The following FAN1 variants were observed in gnomAD, a reference collection of about 807,000 sequenced individuals.
The protein encoded by FAN1 is FANCD2 and FANCI associated nuclease 1.
In FAN1, 91 loss-of-function variants were observed where a neutral mutation model predicts 104.9. The observed-to-expected ratio is 0.87, with a 90% CI of 0.73 to 1.03. The LOEUF (loss-of-function observed/expected upper bound fraction) is 1.03. Among genes scored for constraint, FAN1 ranks in the 50% least tolerant of loss-of-function variants. The probability of loss-of-function intolerance (pLI) is 0.00; values close to 1 mark genes in which losing one functional copy is unlikely to be tolerated. For synonymous variants in FAN1, 478 were observed against 457.6 expected (o/e 1.04, Z -0.57); for missense variants, 1,263 against 1,239.9 (o/e 1.02, Z -0.28).
At chr15:30,933,342 A>G (rs538019890) in intron 13 of FAN1, among the ~76,000 whole-genome samples, 1 of 152,304 alleles carries the variant, frequency 6.6e-6, no homozygotes, top group African/African-American at 2.4e-5. Flanking sequence ...TTCAGTTCAC[A>G]ATACTTTCTG....
Position 30,910,745 on chromosome 15 carries a change from T to C in FAN1, c.1507T>C (p.Leu503=). The change falls in exon 4 of 15, where the codon TTG becomes CTG. Residue 503 remains leucine (L), a synonymous_variant. Transcript: ENST00000362065. ...KQQLVDAFLK[L]AKQRSVCTWG... ...GCAGCTGGTGGACGCCTTTCTCAAA[T>C]TGGCCAAACAGCGTTCAGTCTGCAC... 6.2e-7 allele frequency: 1 copy of C among 1,614,128 alleles called. No homozygotes were observed.
intron 8 of FAN1, among the ~76,000 whole-genome samples, chr15:30,924,249 G>T (rs1355273122): frequency 6.6e-6 from 1 of 152,170 alleles, no homozygotes; most frequent in East Asian, 1.9e-4. Flanking sequence ...CCACTCATTG[G>T]TTGATGGACA....
Position 30,942,028 on chromosome 15 carries a change from C to A in FAN1, c.*466C>A. 1 of 1,613,972 alleles carries A rather than the reference C, an allele frequency of 6.2e-7. No homozygotes were observed. The highest frequency in any genetic ancestry group is 8.5e-7 in the Non-Finnish European group (1 of 1,179,864). ...ATTCTTGGTCACTGATGATTCCATT[C>A]TTTAAGGCAGACGGCATTCCTCTTA... On this transcript the variant is annotated 3_prime_UTR_variant, in exon 15 of 15. Coordinates refer to ENST00000362065, the MANE Select transcript of FAN1 (RefSeq NM_014967.5).
chr15:30,911,299 T>C (rs2062096396), intron 4 of FAN1: 1 of 985,964 alleles, frequency 1.0e-6, no homozygotes, highest in East Asian at 1.1e-4. Context: ...TACAAAAACT[T>C]TTAGAATTGA....
At chr15:30,925,962 G>T in intron 10 of FAN1, 23 bp downstream of exon 10, 1 of 1,612,504 alleles carries the variant, frequency 6.2e-7, no homozygotes, top group Non-Finnish European at 8.5e-7. Flanking sequence ...GCTTTCTCTT[G>T]TGGCACCCAG....
intron 4 of FAN1, among the ~76,000 whole-genome samples, chr15:30,913,265 T>C (rs2062135437): frequency 6.6e-6 from 1 of 152,174 alleles, no homozygotes; most frequent in Non-Finnish European, 1.5e-5. Context: ...GAGAATCTAT[T>C]GCCTGATGAT....
At chr15:30,904,236 G>A (rs1368847408) in intron 1 of FAN1, among the ~76,000 whole-genome samples, 1 of 152,182 alleles carries the variant, frequency 6.6e-6, no homozygotes, top group Non-Finnish European at 1.5e-5. Flanking sequence ...GTCTTGTAAA[G>A]GGTCTGAAGT....
At chr15:30,927,495 G>A in intron 10 of FAN1, 2 of 985,754 alleles carry the variant, frequency 2.0e-6, no homozygotes, top group Non-Finnish European at 2.4e-6. Flanking sequence ...AGCCTCAGAA[G>A]TGCAGGACAG....
chr15:30,939,742 A>C, intron 14 of FAN1: 1 of 984,402 alleles, frequency 1.0e-6, no homozygotes, highest in Non-Finnish European at 1.2e-6. Flanking sequence ...GCTAAATGAA[A>C]AAGGGAGAAT....
chr15:30,941,287 T>TACATCTCTCTTAAA, intron 14 of FAN1: 1 of 1,507,334 alleles, frequency 6.6e-7, no homozygotes, highest in Non-Finnish European at 8.9e-7. Flanking sequence ...GAACAAAATT[T>TACATCTCTCTTAAA]ACATCTCTCT....
rs1313271176 is a variant in FAN1 at position 30,930,625 on chromosome 15, G to T, written c.2870G>T (p.Gly957Val). 5 of 1,612,668 alleles carry T rather than the reference G, an allele frequency of 3.1e-6. No individual in the cohort carries two copies. The African/African-American group carries it at 5.3e-5, about 17-fold the overall frequency. Residue 957 changes from glycine to valine, a missense_variant, in exon 13 of 15, where the codon GGC becomes GTC. Physicochemically the swap from Gly to Val is moderately radical, Grantham distance 109 (BLOSUM62 -3). Transcript: ENST00000362065. The stretch of plus-strand genomic sequence containing the variant: ...GCTGACTTTCGACACTGTCGAGGGG[G>T]CCTCCCCGACCTGGTGGTGTGGAAC... ...LAADFRHCRG[G>V]LPDLVVWNSQ...
Position 30,904,703 on chromosome 15 carries a change from C to G in FAN1, c.40C>G (p.Arg14Gly). The change falls in exon 2 of 15, where the codon CGT (arginine) becomes GGT (glycine). Residue 14 changes from arginine (R) to glycine (G), a missense_variant. This residue lies in a region of FAN1 where 682 missense variants were observed against 571.1 expected (regional missense o/e 1.19). Coordinates refer to ENST00000362065, the MANE Select transcript of FAN1 (RefSeq NM_014967.5). ...GAAACCTCCTGACAAAAAAAGGCCT[C>G]GTAGAAGCTTATCAATCAGCAAGAA... ...EGKPPDKKRP[R>G]RSLSISKNKK... 3.1e-6 allele frequency: 5 copies of G among 1,608,340 alleles called. No individual in the cohort carries two copies. The highest frequency in any genetic ancestry group is 4.2e-6 in the Non-Finnish European group (5 of 1,176,800).
intron 13 of FAN1, among the ~76,000 whole-genome samples, chr15:30,933,184 G>T (rs1566934375): frequency 1.3e-5 from 2 of 151,932 alleles, no homozygotes; most frequent in Non-Finnish European, 2.9e-5. Context: ...GGTTTCATTT[G>T]TTTTTTTATT....
chr15:30,907,291 G>A (rs1414967229), intron 2 of FAN1, among the ~76,000 whole-genome samples: 1 of 151,968 alleles, frequency 6.6e-6, no homozygotes, highest in Non-Finnish European at 1.5e-5. Flanking sequence ...GCCCAGGTGG[G>A]CAGATGGCCT....
chr15:30,910,834 A>G lies in FAN1; in HGVS notation c.1577+19A>G. The G allele has an allele frequency of 6.2e-7, 1 of 1,608,714 alleles. No homozygotes were observed. Among genetic ancestry groups the G allele is most frequent in the Non-Finnish European group, 8.5e-7 (1 of 1,176,786 alleles). ...TAAAAAGGTTTTGTTGGCTATTGTTACAGTAAAAACATTTAAAATGTTGAT... is the reference window on the plus strand; with the variant it reads ...TAAAAAGGTTTTGTTGGCTATTGTTGCAGTAAAAACATTTAAAATGTTGAT... On this transcript the variant is annotated intron_variant, in intron 4 of 14. Coordinates refer to ENST00000362065, the MANE Select transcript of FAN1 (RefSeq NM_014967.5).
At position 30,928,506 on chromosome 15, in the gene FAN1, T is replaced by TTGTGTG. The variant is rs61136501; in HGVS notation, c.2489-18_2489-13dup. 0.16 allele frequency: 233,284 copies of TTGTGTG among 1,462,850 alleles called. 4,910 individuals carry two copies. The highest frequency in any genetic ancestry group is 0.23 in the African/African-American group (15,311 of 67,202). 90.6% of individuals were successfully genotyped at this position (1,462,850 alleles called of 1,614,324 possible). A position where few individuals can be genotyped will look rare whatever the true frequency, so the allele number is the denominator to read the frequency against. On this transcript the variant is annotated intron_variant, in intron 10 of 14. Transcript: ENST00000362065. ...TTGGAAGAAACAGATAAAACAGATT[T>TTGTGTG]TGTGTGTGTGTGTGTGTGTGTGTGT... is the stretch of plus-strand genomic sequence containing the variant.
At chr15:30,926,996 T>G in intron 10 of FAN1, 2 of 985,440 alleles carry the variant, frequency 2.0e-6, no homozygotes, top group Non-Finnish European at 2.4e-6. Context: ...ATAACACAAA[T>G]GCACAGCATG....
At chr15:30,933,632 G>C (rs536334203) in intron 13 of FAN1, among the ~76,000 whole-genome samples, 3 of 152,212 alleles carry the variant, frequency 2.0e-5, no homozygotes, top group African/African-American at 7.2e-5. Context: ...ATGTCAATTA[G>C]GTCAAGTTGG....
At chr15:30,922,104 TC>T (rs2062346834) in intron 7 of FAN1, 130 bp from the exon 8 acceptor site, 6 of 1,184,258 alleles carry the variant, frequency 5.1e-6, no homozygotes, top group Non-Finnish European at 7.1e-6. Flanking sequence ...CAGTTCGGGG[TC>T]CTTGGCCTCA....
Sources: allele counts gnomAD v4.1 joint callset (sites outside exome capture counted in the v4.1 genomes callset), GRCh38; gene constraint gnomAD v4.1.1; regional missense constraint gnomAD v4.1.1; transcripts MANE v1.5; gene names NCBI Gene and HGNC (gene_info 2026-07-23, HGNC 2026-07-21).